ODF2: variants seen among roughly 807,000 people sequenced by gnomAD.
ODF2 encodes the protein outer dense fiber protein 2.
ODF2 carries 47 observed loss-of-function variants against 110.2 expected under a neutral mutation model. The observed-to-expected ratio is 0.43, with a 90% CI of 0.34 to 0.54. The LOEUF (loss-of-function observed/expected upper bound fraction) is 0.54, where lower values mean the gene tolerates loss of function less well. Among genes scored for constraint, ODF2 ranks in the 20% least tolerant of loss-of-function variants. The pLI is 0.03. For missense variants in ODF2, 812 were observed against 1,054.5 expected, an observed-to-expected ratio of 0.77 and a Z score of 3.19; for synonymous variants, 352 against 397.7, an observed-to-expected ratio of 0.89 and a Z score of 1.37.
exon 20 of ODF2, chr9:128,499,112 C>T (rs778568763): frequency 5.0e-6 from 8 of 1,614,016 alleles, no homozygotes; most frequent in Admixed American, 3.3e-5. Context: ...CCAGCTGCGG[C>T]GGAGCCGTGA....
rs368608354 is a variant in ODF2 at position 128,457,464 on chromosome 9, G to A, written c.32+27G>A. 7.5e-6 allele frequency: 12 copies of A among 1,591,402 alleles called. No individual in the cohort carries two copies. The Admixed American group carries it at 1.6e-4, about 21-fold the overall frequency. ...TATTGCCGATGTGGGAGGCGCCTGC[G>A]CCGGAGGGCAGGGAAAGGTGGCCAG... On this transcript the variant is annotated intron_variant, in intron 2 of 20. Transcript: ENST00000604420.
chr9:128,472,419 C>G (rs994461105), intron 6 of ODF2, among the ~76,000 whole-genome samples: 2 of 152,180 alleles, frequency 1.3e-5, no homozygotes, highest in South Asian at 2.1e-4. Flanking sequence ...GTTGGCCAGG[C>G]TGCTCTCGAT....
At position 128,484,065 on chromosome 9, in the gene ODF2, G is replaced by T. The variant is rs754250598; in HGVS notation, c.1104+11G>T. 3 of 1,594,624 alleles carry T rather than the reference G, an allele frequency of 1.9e-6. No homozygotes were observed. The highest frequency in any genetic ancestry group is 2.6e-6 in the Non-Finnish European group (3 of 1,167,976). ...TGCATGCAGATTAAGGTACCTATTG[G>T]CCCCACAAGTGGGGAAAGAGGAGGC... On this transcript the variant is annotated intron_variant, in intron 11 of 20. Transcript: ENST00000604420.
intron 8 of ODF2, 108 bp from the exon 9 acceptor site, chr9:128,481,471 TA>T (rs111998298): frequency 0.17 from 112,222 of 644,806 alleles, 11 homozygotes; most frequent in South Asian, 0.21. Context: ...AGTAAGACTC[TA>T]AAAAAAAAAA....
chr9:128,499,103 C>T lies in ODF2; in HGVS notation c.2278C>T (p.Gln760Ter). The change falls in exon 20 of 21, where the codon CAG becomes TAG. Residue 760 changes from glutamine (Q) to a stop codon, truncating the protein, a stop_gained. Coordinates refer to ENST00000604420, the Ensembl canonical transcript of ODF2. LOFTEE classifies it high-confidence loss of function. ...GAGCAGAACCAAAACGGAATTGAGC[C>T]AGCTGCGGCGGAGCCGTGATGATGT... 6.2e-7 allele frequency: 1 copy of T among 1,614,200 alleles called. No individual in the cohort carries two copies. The highest frequency in any genetic ancestry group is 1.1e-5 in the South Asian group (1 of 91,086).
intron 3 of ODF2, among the ~76,000 whole-genome samples, 186 bp downstream of exon 2, chr9:128,459,843 C>T (rs1035282913): frequency 1.5e-4 from 22 of 151,656 alleles, no homozygotes; most frequent in Non-Finnish European, 2.5e-4. Flanking sequence ...GTGAGGCTGC[C>T]GGGTGTGAGG....
intron 19 of ODF2, 66 bp from the exon 20 acceptor site, chr9:128,498,935 T>G: frequency 6.2e-7 from 1 of 1,602,706 alleles, no homozygotes; most frequent in South Asian, 1.1e-5. Context: ...GGGCCCAGCC[T>G]TCTCTTTGCC....
upstream of ODF2, among the ~76,000 whole-genome samples, chr9:128,455,722 A>G (rs78063361): frequency 0.026 from 3,940 of 152,148 alleles, 167 homozygotes; most frequent in African/African-American, 0.091. Flanking sequence ...TCTCCGCATT[A>G]ATAGTGGACT....
chr9:128,487,782 G>A lies in ODF2; in HGVS notation c.1401-108G>A, dbSNP rs1409566189. 14 of 1,357,704 alleles carry A rather than the reference G, an allele frequency of 1.0e-5. 1 individual carries two copies. Among genetic ancestry groups the A allele is most frequent in the Admixed American group, 6.3e-5 (3 of 47,602 alleles). 84.1% of individuals were successfully genotyped at this position (1,357,704 alleles called of 1,614,324 possible). ...AGCCTAGGTGACAGAGCGAGACTCC[G>A]TCTAAAAAAACAAACAAACAAAACA... On this transcript the variant is annotated intron_variant, in intron 13 of 20. Coordinates refer to ENST00000604420, the Ensembl canonical transcript of ODF2.
exon 12 of ODF2, chr9:128,484,796 G>C: frequency 6.2e-7 from 1 of 1,613,684 alleles, no homozygotes; most frequent in Non-Finnish European, 8.5e-7. Flanking sequence ...GAGACAAAGA[G>C]AGCTTGAAGA....
chr9:128,495,932 C>A, intron 17 of ODF2, 109 bp from the exon 18 acceptor site: 1 of 1,307,002 alleles, frequency 7.7e-7, no homozygotes, highest in Non-Finnish European at 1.1e-6. Flanking sequence ...TGGACACCTG[C>A]TGAGGGCACT....
chr9:128,489,529 C>T (rs1290167615), intron 14 of ODF2, among the ~76,000 whole-genome samples: 2 of 152,186 alleles, frequency 1.3e-5, no homozygotes, highest in Non-Finnish European at 2.9e-5. Flanking sequence ...CTGGCGTCTA[C>T]TCTGCAAGTT....
At chr9:128,482,884 G>C in exon 10 of ODF2, 1 of 1,561,394 alleles carries the variant, frequency 6.4e-7, no homozygotes, top group Non-Finnish European at 8.8e-7. Flanking sequence ...TACAATGTGA[G>C]AAGGTAGTGT....
chr9:128,498,927 G>T, intron 19 of ODF2, 74 bp from the exon 20 acceptor site: 1 of 1,591,024 alleles, frequency 6.3e-7, no homozygotes, highest in Non-Finnish European at 8.6e-7. Flanking sequence ...CAGATAGTGG[G>T]CCCAGCCTTC....
rs145729393 is a variant in ODF2 at position 128,494,333 on chromosome 9, C to G, written c.1753-177C>G. Among the ~76,000 whole-genome samples the G allele has an allele frequency of 6.6e-6, 1 of 152,324 alleles. No homozygotes were observed. The highest frequency in any genetic ancestry group is 1.5e-5 in the Non-Finnish European group (1 of 68,036). On this transcript the variant is annotated intron_variant, in intron 16 of 20. Coordinates refer to ENST00000604420, the Ensembl canonical transcript of ODF2. This position sits in a 1 kb window ranked among gnomAD's most constrained non-coding sequence, Gnocchi z 4.6. ...AACTAAATGAATGGCAAGCCACCTG[C>G]TCAATGGCCAGCGGGGAGTGTAGGC...
exon 7 of ODF2, chr9:128,472,934 A>G (rs138882251): frequency 3.5e-5 from 56 of 1,613,900 alleles, no homozygotes; most frequent in Non-Finnish European, 4.7e-5. Flanking sequence ...AACACCTACA[A>G]CAGGAGAAGG....
At chr9:128,499,331 G>C (rs1846180952) in intron 20 of ODF2, among the ~76,000 whole-genome samples, 2 of 152,210 alleles carry the variant, frequency 1.3e-5, no homozygotes, top group Non-Finnish European at 2.9e-5. Context: ...TGTCACCCAG[G>C]CTGGAATGCA....
chr9:128,498,499 G>A (rs137901437), exon 19 of ODF2: 18 of 1,613,446 alleles, frequency 1.1e-5, no homozygotes, highest in Middle Eastern at 1.6e-4. Flanking sequence ...TCCCAGCTGC[G>A]GCTGGAGGAG....
intron 8 of ODF2, among the ~76,000 whole-genome samples, chr9:128,479,673 C>T (rs1842050818): frequency 6.6e-6 from 1 of 152,138 alleles, no homozygotes; most frequent in Non-Finnish European, 1.5e-5. Flanking sequence ...ACGTCTATTG[C>T]TGCAGTGTTT....
Sources: gnomAD v4.1 joint callset for allele counts (sites outside exome capture counted in the v4.1 genomes callset) on GRCh38, gnomAD v4.1.1 for gene constraint, Gnocchi (gnomAD v3.1) non-coding constraint, MANE v1.5 for transcripts, NCBI Gene and HGNC (gene_info 2026-07-23, HGNC 2026-07-21) for gene names.